Variants in CIMAP3 observed in about 807,000 individuals in gnomAD.
The protein encoded by CIMAP3 is ciliary microtubule-associated protein 3.
chr1:111,332,315 G>GC, the CIMAP3 span, among the ~76,000 whole-genome samples: 1 of 152,312 alleles, frequency 6.6e-6, no homozygotes, highest in South Asian at 2.1e-4. Flanking sequence ...CTCTATGACT[G>GC]CTTCATTGCC....
chr1:111,336,600 A>G, the CIMAP3 span, among the ~76,000 whole-genome samples: 1,197 of 152,304 alleles, frequency 7.9e-3, 15 homozygotes, highest in African/African-American at 0.027. Flanking sequence ...GGGTATCAGC[A>G]ATGGAAGATG....
At chr1:111,342,756 A>C in the CIMAP3 span, among the ~76,000 whole-genome samples, 4 of 152,226 alleles carry the variant, frequency 2.6e-5, no homozygotes, top group African/African-American at 9.6e-5. Context: ...CTGGTTGTCC[A>C]TCTCAGTATC....
the CIMAP3 span, among the ~76,000 whole-genome samples, chr1:111,340,431 T>G: frequency 3.8e-3 from 573 of 150,788 alleles, 3 homozygotes; most frequent in African/African-American, 0.013. Context: ...CCCACAAAAT[T>G]GGAGAAAATT....
At chr1:111,347,694 C>T in the CIMAP3 span, 9 of 1,605,592 alleles carry the variant, frequency 5.6e-6, no homozygotes, top group African/African-American at 1.1e-4. Flanking sequence ...TGGCATACGA[C>T]TTATCTAAGA....
chr1:111,339,777 T>C, the CIMAP3 span, among the ~76,000 whole-genome samples: 5 of 151,962 alleles, frequency 3.3e-5, 1 homozygote, highest in African/African-American at 9.7e-5. Flanking sequence ...ATGGCCATAC[T>C]GCCCAAGGTA....
the CIMAP3 span, among the ~76,000 whole-genome samples, chr1:111,341,210 G>C: frequency 6.6e-6 from 1 of 150,648 alleles, no homozygotes; most frequent in East Asian, 1.9e-4. Context: ...ACTGTTGTGG[G>C]GTGGGGGGAA....
the CIMAP3 span, among the ~76,000 whole-genome samples, chr1:111,337,555 C>T: frequency 3.8e-4 from 58 of 152,090 alleles, no homozygotes; most frequent in African/African-American, 1.4e-3. Flanking sequence ...ATCCTAGTCT[C>T]TGATAAAACA....
the CIMAP3 span, among the ~76,000 whole-genome samples, chr1:111,341,413 C>A: frequency 6.6e-6 from 1 of 151,842 alleles, no homozygotes; most frequent in South Asian, 2.1e-4. Flanking sequence ...GAGAAAATAT[C>A]AGATATATAG....
chr1:111,344,094 T>C, the CIMAP3 span, among the ~76,000 whole-genome samples: 1 of 152,230 alleles, frequency 6.6e-6, no homozygotes, highest in Non-Finnish European at 1.5e-5. Context: ...TTGTTTTATA[T>C]CAAATGCCAA....
the CIMAP3 span, chr1:111,350,112 T>C: frequency 1.2e-6 from 2 of 1,612,126 alleles, no homozygotes; most frequent in African/African-American, 1.3e-5. Context: ...CTAGCCCTGG[T>C]GCATACAACC....
the CIMAP3 span, among the ~76,000 whole-genome samples, chr1:111,341,464 G>A: frequency 3.3e-5 from 5 of 152,180 alleles, no homozygotes; most frequent in African/African-American, 4.8e-5. Flanking sequence ...GCAAAAAAGA[G>A]TGGACAAATG....
chr1:111,351,110 G>T, the CIMAP3 span: 1 of 667,692 alleles, frequency 1.5e-6, no homozygotes. Context: ...ACAAATTTTG[G>T]GAGAATCACT....
At chr1:111,330,333 G>C in the CIMAP3 span, among the ~76,000 whole-genome samples, 2 of 152,320 alleles carry the variant, frequency 1.3e-5, no homozygotes, top group Non-Finnish European at 2.9e-5. Flanking sequence ...TTTAACTGCA[G>C]TGTAGATTGA....
the CIMAP3 span, among the ~76,000 whole-genome samples, chr1:111,325,068 C>T: frequency 7.9e-3 from 1,205 of 152,284 alleles, 15 homozygotes; most frequent in African/African-American, 0.027. Flanking sequence ...GGGCCAGCTC[C>T]CATCTTAATA....
the CIMAP3 span, chr1:111,347,576 A>G: frequency 2.7e-6 from 2 of 739,828 alleles, no homozygotes; most frequent in Middle Eastern, 2.8e-4. Context: ...AGCTCACTCC[A>G]TTTCGATGGC....
chr1:111,333,578 G>A, the CIMAP3 span, among the ~76,000 whole-genome samples: 1 of 152,158 alleles, frequency 6.6e-6, no homozygotes. Context: ...TGTTTGTGGT[G>A]ACTGGTGGGA....
chr1:111,328,960 A>C, the CIMAP3 span, among the ~76,000 whole-genome samples: 1 of 152,098 alleles, frequency 6.6e-6, no homozygotes, highest in Non-Finnish European at 1.5e-5. Flanking sequence ...CTGTGTGCTT[A>C]AGTGTGTTTT....
chr1:111,330,230 G>C, the CIMAP3 span, among the ~76,000 whole-genome samples: 4 of 152,182 alleles, frequency 2.6e-5, no homozygotes, highest in African/African-American at 9.7e-5. Flanking sequence ...TGGAGAGCTG[G>C]TATGGTCATT....
chr1:111,339,709 T>C, the CIMAP3 span, among the ~76,000 whole-genome samples: 2 of 151,798 alleles, frequency 1.3e-5, no homozygotes, highest in East Asian at 1.9e-4. Flanking sequence ...TTAAAGAGGA[T>C]ACAAACAACT....
Sources: gnomAD v4.1 joint callset for allele counts (sites outside exome capture counted in the v4.1 genomes callset) on GRCh38, gnomAD v4.1.1 for gene constraint, MANE v1.5 for transcripts, NCBI Gene and HGNC (gene_info 2026-07-23, HGNC 2026-07-21) for gene names.